Variants in CDKAL1 observed in about 807,000 individuals in gnomAD.
The protein encoded by CDKAL1 is CDKAL1 threonylcarbamoyladenosine tRNA methylthiotransferase.
A neutral mutation model predicts 68.2 loss-of-function variants in CDKAL1; 32 were observed. That is an observed-to-expected ratio of 0.47 (90% CI 0.35 to 0.63). CDKAL1 has a LOEUF of 0.63. Among genes scored for constraint, CDKAL1 ranks in the 30% least tolerant of loss-of-function variants. The probability of loss-of-function intolerance (pLI) is 0.00; values close to 1 mark genes in which losing one functional copy is unlikely to be tolerated. For missense variants in CDKAL1, 606 were observed against 696.7 expected, an observed-to-expected ratio of 0.87 and a Z score of 1.47; for synonymous variants, 234 against 244.3, an observed-to-expected ratio of 0.96 and a Z score of 0.39.
chr6:21,103,316 A>C (rs1339899569), intron 12 of CDKAL1, among the ~76,000 whole-genome samples: 4 of 152,138 alleles, frequency 2.6e-5, no homozygotes, highest in African/African-American at 9.7e-5. Context: ...GCTCTGTTGC[A>C]TATCTTTGAC....
chr6:20,788,233 T>C (rs1775755832), intron 8 of CDKAL1, among the ~76,000 whole-genome samples: 1 of 152,238 alleles, frequency 6.6e-6, no homozygotes, highest in Non-Finnish European at 1.5e-5. Context: ...AGTGTGACTG[T>C]GCCTAACAGT....
At chr6:20,866,006 T>C (rs1759887963) in intron 9 of CDKAL1, among the ~76,000 whole-genome samples, 1 of 152,212 alleles carries the variant, frequency 6.6e-6, no homozygotes, top group South Asian at 2.1e-4. Context: ...GTGTGCCTGA[T>C]TTTAATTTTA....
intron 9 of CDKAL1, among the ~76,000 whole-genome samples, chr6:20,900,076 G>T (rs954093751): frequency 2.0e-5 from 3 of 152,076 alleles, no homozygotes; most frequent in African/African-American, 7.2e-5. Context: ...TTACAATTCT[G>T]CTTCACCTTC....
At chr6:21,154,010 T>G (rs184777291) in intron 13 of CDKAL1, among the ~76,000 whole-genome samples, 157 of 152,306 alleles carry the variant, frequency 1.0e-3, no homozygotes, top group African/African-American at 3.6e-3. Context: ...CTGCCTTTAA[T>G]TCCCAGCCCT....
chr6:20,787,724 G>T (rs1178121419), intron 8 of CDKAL1, among the ~76,000 whole-genome samples: 1 of 152,116 alleles, frequency 6.6e-6, no homozygotes, highest in Non-Finnish European at 1.5e-5. Flanking sequence ...ATCTTTAATG[G>T]TCTAGGCCAG....
At chr6:20,861,288 T>A (rs1034031864) in intron 9 of CDKAL1, among the ~76,000 whole-genome samples, 1 of 152,200 alleles carries the variant, frequency 6.6e-6, no homozygotes, top group Non-Finnish European at 1.5e-5. Flanking sequence ...TACGTAAACC[T>A]AAGCATGTGA....
At chr6:20,816,207 T>C (rs900106006) in intron 8 of CDKAL1, among the ~76,000 whole-genome samples, 1 of 151,812 alleles carries the variant, frequency 6.6e-6, no homozygotes, top group African/African-American at 2.4e-5. Flanking sequence ...TTAACTTAAT[T>C]ATATCTACAA....
chr6:21,103,594 G>A lies in CDKAL1; in HGVS notation c.1237-4807G>A, dbSNP rs79205226. On this transcript the variant is annotated intron_variant, in intron 12 of 15. Transcript: ENST00000274695. ...ATACTGCCTCATTTTTTAAACCCAC[G>A]GCAGCCCGCAAAAAATGCAGGACGC... Among the ~76,000 whole-genome samples, 851 of 152,078 alleles carry A rather than the reference G, an allele frequency of 5.6e-3. 7 individuals are homozygous for A. The highest frequency in any genetic ancestry group is 0.019 in the African/African-American group (805 of 41,484).
At chr6:20,605,557 C>T (rs1326713221) in intron 4 of CDKAL1, among the ~76,000 whole-genome samples, 2 of 151,956 alleles carry the variant, frequency 1.3e-5, no homozygotes, top group African/African-American at 2.4e-5. Flanking sequence ...GTAAATTTTA[C>T]CTTTTTGGTT....
intron 5 of CDKAL1, among the ~76,000 whole-genome samples, chr6:20,652,152 A>G (rs574180678): frequency 4.7e-4 from 72 of 152,050 alleles, no homozygotes; most frequent in Non-Finnish European, 7.1e-4. Flanking sequence ...TTGTGTGTCT[A>G]TCTCCTTAAG....
intron 11 of CDKAL1, among the ~76,000 whole-genome samples, chr6:21,042,295 C>T (rs1769971588): frequency 6.6e-6 from 1 of 152,062 alleles, no homozygotes; most frequent in African/African-American, 2.4e-5. Context: ...ACCATTCACC[C>T]CTGTCTCTGC....
chr6:21,149,271 C>T (rs368590250), intron 13 of CDKAL1, among the ~76,000 whole-genome samples: 1 of 152,190 alleles, frequency 6.6e-6, no homozygotes, highest in African/African-American at 2.4e-5. Flanking sequence ...TCCCAAGTAG[C>T]TGGGATTACA....
chr6:20,921,213 G>A (rs887276314), intron 9 of CDKAL1, among the ~76,000 whole-genome samples: 1 of 152,118 alleles, frequency 6.6e-6, no homozygotes, highest in South Asian at 2.1e-4. Context: ...GGCGGATCAC[G>A]AGGTCAAGAG....
At chr6:20,846,303 CT>C (rs1778373191) in intron 9 of CDKAL1, 125 bp downstream of exon 9, 1 of 592,074 alleles carries the variant, frequency 1.7e-6, no homozygotes, top group South Asian at 2.2e-5. Flanking sequence ...AATATACGAA[CT>C]TAATTAATAA....
At chr6:20,654,677 C>A (rs1030174289) in intron 5 of CDKAL1, among the ~76,000 whole-genome samples, 1 of 152,048 alleles carries the variant, frequency 6.6e-6, no homozygotes, top group Non-Finnish European at 1.5e-5. Context: ...CTGTAGATAA[C>A]CAATTGTTTC....
intron 5 of CDKAL1, among the ~76,000 whole-genome samples, chr6:20,668,073 CT>C (rs1241012246): frequency 1.3e-5 from 2 of 151,724 alleles, no homozygotes; most frequent in Admixed American, 1.3e-4. Flanking sequence ...GTGTTTTTCC[CT>C]CCCCCTCTCT....
Position 21,231,268 on chromosome 6 carries a change from T to G in CDKAL1, c.*229T>G, listed in dbSNP as rs533574911. On this transcript the variant is annotated 3_prime_UTR_variant, in exon 16 of 16. Coordinates refer to ENST00000274695, the MANE Select transcript of CDKAL1 (RefSeq NM_017774.3). Reference sequence around the variant, plus strand: ...CGCTACCATAGCACATCCTTCAAATTAAACTGCTTTTGGTTTACTTTTAGC... The same window carrying G: ...CGCTACCATAGCACATCCTTCAAATGAAACTGCTTTTGGTTTACTTTTAGC... 2.4e-5 allele frequency: 9 copies of G among 370,598 alleles called. No individual in the cohort carries two copies. The East Asian group carries it at 3.5e-4, about 14-fold the overall frequency. 23.0% of individuals were successfully genotyped at this position (370,598 alleles called of 1,614,324 possible).
chr6:21,172,090 G>A (rs538665242), intron 13 of CDKAL1, among the ~76,000 whole-genome samples: 14 of 152,240 alleles, frequency 9.2e-5, no homozygotes, highest in Admixed American at 5.9e-4. Context: ...AAGGGAACAT[G>A]GACAGTCCTC....
intron 9 of CDKAL1, among the ~76,000 whole-genome samples, chr6:20,927,789 AG>A (rs1763249214): frequency 6.6e-6 from 1 of 152,146 alleles, no homozygotes; most frequent in South Asian, 2.1e-4. Flanking sequence ...TCCTGGTTTA[AG>A]CTTATAAACA....
Sources: allele counts gnomAD v4.1 joint callset (sites outside exome capture counted in the v4.1 genomes callset), GRCh38; gene constraint gnomAD v4.1.1; transcripts MANE v1.5; gene names NCBI Gene and HGNC (gene_info 2026-07-23, HGNC 2026-07-21).